The following RBFOX1 variants were observed in gnomAD, a reference collection of about 807,000 sequenced individuals.
RBFOX1 encodes RNA binding fox-1 homolog 1.
A neutral mutation model predicts 57.7 loss-of-function variants in RBFOX1; 8 were observed. The observed-to-expected ratio is 0.14, with a 90% CI of 0.08 to 0.25. The LOEUF (loss-of-function observed/expected upper bound fraction) is 0.25. Ranked by LOEUF, RBFOX1 falls within the 10% of genes least tolerant of loss-of-function variation. RBFOX1 has a pLI of 1.00. For missense variants in RBFOX1, 611 were observed against 548.5 expected (o/e 1.11, Z -1.14); for synonymous variants, 326 against 222.4 (o/e 1.47, Z -4.15).
rs73528469 is a variant in RBFOX1, at chr16:6,514,185, G to A, written c.-63-140418G>A. On this transcript the variant is annotated intron_variant, in intron 2 of 15. Transcript: ENST00000550418. ...CTGCTTTTGAGCCACTTACTGAAAG[G>A]CTTATCTCCCATCCTTTGGGGATGC... Among the ~76,000 whole-genome samples the A allele has an allele frequency of 6.3e-3, 954 of 152,208 alleles. 18 individuals carry two copies. The highest frequency in any genetic ancestry group is 0.022 in the African/African-American group (910 of 41,532).
chr16:6,604,797 T>A (rs142390715), intron 2 of RBFOX1, among the ~76,000 whole-genome samples: 45 of 152,268 alleles, frequency 3.0e-4, no homozygotes, highest in African/African-American at 1.1e-3. Context: ...TACCAATTAA[T>A]TGGTGCTTGA....
chr16:7,503,174 A>G (rs900804082), intron 4 of RBFOX1, among the ~76,000 whole-genome samples: 2 of 152,192 alleles, frequency 1.3e-5, no homozygotes, highest in African/African-American at 2.4e-5. Context: ...GTATTTGATT[A>G]TCCTTTCGTT....
chr16:6,728,616 A>T (rs1298976841), intron 3 of RBFOX1, among the ~76,000 whole-genome samples: 1 of 152,188 alleles, frequency 6.6e-6, no homozygotes, highest in Non-Finnish European at 1.5e-5. Context: ...GCTGCCTCAT[A>T]TTGGAGCTGC....
intron 3 of RBFOX1, among the ~76,000 whole-genome samples, chr16:6,976,314 G>C (rs571491297): frequency 6.6e-6 from 1 of 152,098 alleles, no homozygotes; most frequent in African/African-American, 2.4e-5. Flanking sequence ...TGGCTTTAGA[G>C]GCCACACTCT....
At chr16:7,691,974 A>G (rs938701219) in intron 14 of RBFOX1, among the ~76,000 whole-genome samples, 1 of 152,184 alleles carries the variant, frequency 6.6e-6, no homozygotes, top group Non-Finnish European at 1.5e-5. Flanking sequence ...ACCTGTAGTT[A>G]GGAATTCCCG....
rs1229398343 is a variant in RBFOX1, at chr16:6,033,740, A to T, written c.-127+13748A>T. 2.0e-5 allele frequency among the ~76,000 whole-genome samples: 3 copies of T among 152,206 alleles called. No individual in the cohort carries two copies. The East Asian group carries it at 5.8e-4, about 29-fold the overall frequency. On this transcript the variant is annotated intron_variant, in intron 1 of 15. Coordinates refer to ENST00000550418, the MANE Select transcript of RBFOX1 (RefSeq NM_018723.4). ...TTCCATTTTTGAAGCGCTACATGGAATATCTTCAACCGCCACCACTTCCCA... is the reference window on the plus strand; with the variant it reads ...TTCCATTTTTGAAGCGCTACATGGATTATCTTCAACCGCCACCACTTCCCA...
intron 2 of RBFOX1, among the ~76,000 whole-genome samples, chr16:6,384,192 A>G (rs2092074974): frequency 6.6e-6 from 1 of 151,952 alleles, no homozygotes; most frequent in South Asian, 2.1e-4. Flanking sequence ...TTTATGCTGA[A>G]ATTGCCTTTT....
intron 3 of RBFOX1, among the ~76,000 whole-genome samples, chr16:6,749,247 T>A (rs1451956423): frequency 6.6e-6 from 1 of 152,216 alleles, no homozygotes; most frequent in Non-Finnish European, 1.5e-5. Flanking sequence ...CTGTCCCATC[T>A]GAGCCTGGGT....
chr16:6,686,353 T>G (rs931448316), intron 3 of RBFOX1, among the ~76,000 whole-genome samples: 2 of 152,182 alleles, frequency 1.3e-5, no homozygotes, highest in South Asian at 4.1e-4. Context: ...TCCTTTGCTT[T>G]ATTGATGCTT....
chr16:7,141,902 A>G (rs1409241878), intron 4 of RBFOX1, among the ~76,000 whole-genome samples: 1 of 152,186 alleles, frequency 6.6e-6, no homozygotes, highest in Non-Finnish European at 1.5e-5. Context: ...TTGGAAATTC[A>G]TAAATCTGTC....
intron 10 of RBFOX1, among the ~76,000 whole-genome samples, chr16:7,617,551 A>G (rs773829731): frequency 7.2e-5 from 11 of 152,136 alleles, no homozygotes; most frequent in Non-Finnish European, 1.5e-4. Flanking sequence ...GCGGTTATAT[A>G]CTACATGAAC....
intron 1 of RBFOX1, among the ~76,000 whole-genome samples, chr16:6,150,760 T>C (rs1376737512): frequency 6.6e-6 from 1 of 152,180 alleles, no homozygotes; most frequent in Non-Finnish European, 1.5e-5. Flanking sequence ...TATCTCTCTA[T>C]CCCTAAGAGC....
chr16:7,349,502 C>G (rs544824160), intron 4 of RBFOX1, among the ~76,000 whole-genome samples: 7 of 151,214 alleles, frequency 4.6e-5, no homozygotes, highest in Admixed American at 1.3e-4. Flanking sequence ...CAGTCCTTGT[C>G]AGAATGTGCA....
chr16:5,552,611 T>A (rs2045508439), intron 2 of RBFOX1, among the ~76,000 whole-genome samples: 1 of 152,140 alleles, frequency 6.6e-6, no homozygotes, highest in Non-Finnish European at 1.5e-5. Flanking sequence ...AGCGTATGCA[T>A]CTTATTTGTA....
At chr16:7,021,081 T>C (rs930288879) in intron 3 of RBFOX1, among the ~76,000 whole-genome samples, 4 of 152,078 alleles carry the variant, frequency 2.6e-5, no homozygotes, top group African/African-American at 9.7e-5. Context: ...TGAGCCCAGG[T>C]CGTGCTACTG....
chr16:6,942,095 C>G (rs1203158699), intron 3 of RBFOX1, among the ~76,000 whole-genome samples: 1 of 152,004 alleles, frequency 6.6e-6, no homozygotes, highest in Non-Finnish European at 1.5e-5. Context: ...AAAAATTAGC[C>G]ACGTGCAGTG....
chr16:6,905,647 A>C (rs945970702), intron 3 of RBFOX1, among the ~76,000 whole-genome samples: 1 of 152,120 alleles, frequency 6.6e-6, no homozygotes, highest in Non-Finnish European at 1.5e-5. Flanking sequence ...CCCGTTTAGC[A>C]ACATTGCCCC....
At chr16:6,293,876 C>G (rs1239061162) in intron 1 of RBFOX1, among the ~76,000 whole-genome samples, 1 of 101,604 alleles carries the variant, frequency 9.8e-6, no homozygotes, top group African/African-American at 3.7e-5. Flanking sequence ...TTTACACCAT[C>G]TCAGAATTCC....
intron 14 of RBFOX1, among the ~76,000 whole-genome samples, chr16:7,684,045 T>C (rs967443950): frequency 1.3e-5 from 2 of 152,158 alleles, no homozygotes; most frequent in Admixed American, 1.3e-4. Context: ...AATTTTTCAG[T>C]AAAAGTGTCT....
Sources: gnomAD v4.1 joint callset for allele counts (sites outside exome capture counted in the v4.1 genomes callset) on GRCh38, gnomAD v4.1.1 for gene constraint, MANE v1.5 for transcripts, NCBI Gene and HGNC (gene_info 2026-07-23, HGNC 2026-07-21) for gene names.